The following TMEM26 variants were observed in gnomAD, a reference collection of about 807,000 sequenced individuals.
TMEM26 encodes the protein transmembrane protein 26.
A neutral mutation model predicts 28.8 loss-of-function variants in TMEM26; 38 were observed. That is an observed-to-expected ratio of 1.32 (90% CI 1.02 to 1.73). The LOEUF is 1.73. Among genes scored for constraint, TMEM26 ranks in the 40% most tolerant of loss-of-function variants. The pLI is 0.00. For synonymous variants in TMEM26, 227 were observed against 182.9 expected (o/e 1.24, Z -1.95); for missense variants, 518 against 447.1 (o/e 1.16, Z -1.43).
chr10:61,452,968 C>A lies in TMEM26; in HGVS notation c.114G>T (p.Leu38=). Residue 38 remains leucine (L), a synonymous_variant, in exon 1 of 6, where the codon CTG becomes CTT. Transcript: ENST00000399298. ...TEVKKEPRYW[L]LALLNLLLFL... ...AGAGCAAGAGGTTGAGCAGCGCAAG[C>A]AGCCAGTACCGCGGCTCCTTCTTCA... 1 of 1,614,098 alleles carries A rather than the reference C, an allele frequency of 6.2e-7. No homozygotes were observed. The highest frequency in any genetic ancestry group is 8.5e-7 in the Non-Finnish European group (1 of 1,180,022).
chr10:61,432,429 G>A (rs1478053882), intron 2 of TMEM26, among the ~76,000 whole-genome samples: 2 of 151,918 alleles, frequency 1.3e-5, no homozygotes, highest in Admixed American at 1.3e-4. Flanking sequence ...GGGAATCCGA[G>A]GTAAAGTAAG....
At chr10:61,441,328 T>G (rs569837772) in intron 1 of TMEM26, among the ~76,000 whole-genome samples, 102 of 152,358 alleles carry the variant, frequency 6.7e-4, no homozygotes, top group Non-Finnish European at 1.3e-3. Context: ...TGATTTTTAT[T>G]GGAAGATTTA....
At position 61,412,699 on chromosome 10, in the gene TMEM26, G is replaced by C. The variant is rs539387481; in HGVS notation, c.682+760C>G. 1.2e-4 allele frequency among the ~76,000 whole-genome samples: 19 copies of C among 152,216 alleles called. No homozygotes were observed. The South Asian group carries it at 3.7e-3, about 30-fold the overall frequency. ...TTCCATATTACTGCTGTCCAATATG[G>C]TAGCCATTTGTGGCAACTGAGCACT... On this transcript the variant is annotated intron_variant, in intron 5 of 5. Transcript: ENST00000399298.
At position 61,408,500 on chromosome 10, in the gene TMEM26, A is replaced by G. The variant is rs982983389; in HGVS notation, c.*1822T>C. 1 of 152,224 alleles carries G rather than the reference A, an allele frequency of 6.6e-6. No homozygotes were observed. The highest frequency in any genetic ancestry group is 2.4e-5 in the African/African-American group (1 of 41,462). The allele number at this position is 152,224 out of a possible 1,614,324, so 9.4% of individuals were successfully genotyped here. On this transcript the variant is annotated 3_prime_UTR_variant, in exon 6 of 6. Coordinates refer to ENST00000399298, the MANE Select transcript of TMEM26 (RefSeq NM_178505.8). ...AGTATGCCATGAGCAAATCTGCAAT[A>G]ATAAGCAGCACATACATGTTGTGGA...
At chr10:61,439,861 G>T (rs1840063703) in intron 1 of TMEM26, among the ~76,000 whole-genome samples, 1 of 152,132 alleles carries the variant, frequency 6.6e-6, no homozygotes, top group African/African-American at 2.4e-5. Flanking sequence ...GCTTATGAAG[G>T]ACTCTTAGAG....
At chr10:61,452,860 G>A (rs896816368) in intron 1 of TMEM26, 31 bp downstream of exon 1, 2 of 1,600,420 alleles carry the variant, frequency 1.2e-6, no homozygotes, top group Non-Finnish European at 1.7e-6. Flanking sequence ...CTAGGGCCCC[G>A]TGCGCCCTCG....
chr10:61,441,031 A>G (rs554754158), intron 1 of TMEM26, among the ~76,000 whole-genome samples: 1 of 152,174 alleles, frequency 6.6e-6, no homozygotes, highest in Admixed American at 6.5e-5. Context: ...GCTGTACAGT[A>G]TTGTTTTTTA....
rs1839513276 is a variant in TMEM26, at chr10:61,407,677, T to C, written c.*2645A>G. The C allele has an allele frequency of 6.6e-6, 1 of 152,122 alleles. No individual in the cohort carries two copies. Among genetic ancestry groups the C allele is most frequent in the Non-Finnish European group, 1.5e-5 (1 of 68,026 alleles). 9.4% of individuals were successfully genotyped at this position (152,122 alleles called of 1,614,324 possible). On this transcript the variant is annotated 3_prime_UTR_variant, in exon 6 of 6. Transcript: ENST00000399298. Reference sequence around the variant, plus strand: ...TTTTAGGAAGGATATTTGACTGAGTTTAATCAAGCAATTAAATAACAACTA... The same window carrying C: ...TTTTAGGAAGGATATTTGACTGAGTCTAATCAAGCAATTAAATAACAACTA...
At chr10:61,411,310 T>C (rs1839565828) in intron 5 of TMEM26, among the ~76,000 whole-genome samples, 1 of 152,320 alleles carries the variant, frequency 6.6e-6, no homozygotes, top group East Asian at 1.9e-4. Context: ...GCTCATTTTG[T>C]TTCCATTAGA....
At chr10:61,412,921 G>T in intron 5 of TMEM26, 2 of 1,293,554 alleles carry the variant, frequency 1.5e-6, no homozygotes, top group Non-Finnish European at 2.0e-6. Flanking sequence ...ATTAAAGTAA[G>T]ACCAGTAGGA....
At position 61,452,964 on chromosome 10, in the gene TMEM26, C is replaced by T; in HGVS notation, c.118G>A (p.Ala40Thr). ...VKKEPRYWLL[A>T]LLNLLLFLET... is the part of the protein sequence containing the mutation. ...AGGAAGAGCAAGAGGTTGAGCAGCG[C>T]AAGCAGCCAGTACCGCGGCTCCTTC... The change falls in exon 1 of 6, where the codon GCG becomes ACG. Residue 40 changes from alanine (A) to threonine (T), a missense_variant. By Grantham distance (58) the Ala-to-Thr change is moderately conservative. Coordinates refer to ENST00000399298, the MANE Select transcript of TMEM26 (RefSeq NM_178505.8). 6.2e-7 allele frequency: 1 copy of T among 1,614,082 alleles called. No homozygotes were observed. The highest frequency in any genetic ancestry group is 8.5e-7 in the Non-Finnish European group (1 of 1,180,026).
intron 1 of TMEM26, among the ~76,000 whole-genome samples, chr10:61,451,429 A>C (rs1840278238): frequency 6.6e-6 from 1 of 152,160 alleles, no homozygotes; most frequent in African/African-American, 2.4e-5. Flanking sequence ...TCAGCCTCAG[A>C]CTTCATCTTT....
intron 4 of TMEM26, among the ~76,000 whole-genome samples, chr10:61,427,165 C>G (rs556765564): frequency 1.3e-5 from 2 of 152,146 alleles, no homozygotes; most frequent in South Asian, 4.2e-4. Flanking sequence ...CTCCATTAAA[C>G]ATCAGCTTTC....
At chr10:61,434,142 T>C (rs567748272) in intron 2 of TMEM26, among the ~76,000 whole-genome samples, 3 of 152,190 alleles carry the variant, frequency 2.0e-5, no homozygotes, top group Non-Finnish European at 2.9e-5. Context: ...GCAATTCCAA[T>C]ACTTTTTTTC....
chr10:61,431,890 C>A (rs1366358471), intron 2 of TMEM26, among the ~76,000 whole-genome samples: 1 of 151,958 alleles, frequency 6.6e-6, no homozygotes, highest in Admixed American at 6.6e-5. Context: ...CCGTCCCTCC[C>A]CTCTCAAGTA....
intron 1 of TMEM26, among the ~76,000 whole-genome samples, chr10:61,446,754 G>A (rs1396064251): frequency 7.0e-6 from 1 of 142,918 alleles, no homozygotes; most frequent in Non-Finnish European, 1.5e-5. Context: ...AGGAGGCGGA[G>A]GTTACAGTGA....
At chr10:61,448,964 T>C (rs2084680762) in intron 1 of TMEM26, among the ~76,000 whole-genome samples, 1 of 152,218 alleles carries the variant, frequency 6.6e-6, no homozygotes, top group Non-Finnish European at 1.5e-5. Flanking sequence ...CTGAGGAATA[T>C]TTTATTGGCT....
Position 61,430,402 on chromosome 10 carries a change from T to G in TMEM26, c.384+817A>C, listed in dbSNP as rs190423600. Reference sequence around the variant, plus strand: ...AGGGATTCTGTTTTGGCCAGAAATCTTCTCTATGTTATTAATAAACATCTA... The same window carrying G: ...AGGGATTCTGTTTTGGCCAGAAATCGTCTCTATGTTATTAATAAACATCTA... On this transcript the variant is annotated intron_variant, in intron 3 of 5. Transcript: ENST00000399298. Among the ~76,000 whole-genome samples, 108 of 152,146 alleles carry G rather than the reference T, an allele frequency of 7.1e-4. 1 individual carries two copies. The highest frequency in any genetic ancestry group is 3.2e-3 in the Admixed American group (48 of 15,230).
chr10:61,420,535 T>C (rs1839728064), intron 4 of TMEM26, among the ~76,000 whole-genome samples: 1 of 152,170 alleles, frequency 6.6e-6, no homozygotes, highest in East Asian at 1.9e-4. Flanking sequence ...TGAAATTATA[T>C]ATTTGTATAT....
Sources: allele counts gnomAD v4.1 joint callset (sites outside exome capture counted in the v4.1 genomes callset), GRCh38; gene constraint gnomAD v4.1.1; transcripts MANE v1.5; gene names NCBI Gene and HGNC (gene_info 2026-07-23, HGNC 2026-07-21).